TNR: variants seen among roughly 807,000 people sequenced by gnomAD.
TNR encodes the protein tenascin-R.
In TNR, 45 loss-of-function variants were observed where a neutral mutation model predicts 150.4. That is an observed-to-expected ratio of 0.30 (90% CI 0.24 to 0.38). TNR has a LOEUF of 0.38. Among genes scored for constraint, TNR ranks in the 10% least tolerant of loss-of-function variants. The probability of loss-of-function intolerance (pLI) is 1.00; values close to 1 mark genes in which losing one functional copy is unlikely to be tolerated. For missense variants in TNR, 1,544 were observed against 1,759.1 expected (o/e 0.88, Z 2.19); for synonymous variants, 687 against 678.4 (o/e 1.01, Z -0.20).
intron 1 of TNR, among the ~76,000 whole-genome samples, chr1:175,659,232 G>A (rs542259136): frequency 9.5e-4 from 145 of 152,320 alleles, no homozygotes; most frequent in Admixed American, 2.4e-3. Flanking sequence ...GGCTGGAGCC[G>A]CAGCACACCT....
chr1:175,491,582 A>G (rs1658250108), intron 2 of TNR, among the ~76,000 whole-genome samples: 1 of 151,552 alleles, frequency 6.6e-6, no homozygotes, highest in Admixed American at 6.6e-5. Flanking sequence ...GAGTTAGATA[A>G]TGCACTTTCT....
Position 175,368,747 on chromosome 1 carries a change from C to T in TNR, c.1964-1450G>A, listed in dbSNP as rs567566890. 2.2e-4 allele frequency among the ~76,000 whole-genome samples: 33 copies of T among 152,238 alleles called. No individual in the cohort carries two copies. In the East Asian group the frequency reaches 3.7e-3, roughly 17 times the overall value. On this transcript the variant is annotated intron_variant, in intron 9 of 22. Transcript: ENST00000367674. ...GGTGGATCATCTGAGGTCAGGAGTT[C>T]GAGACCAGCCTGACCAATATGGTGA... is the stretch of plus-strand genomic sequence containing the variant.
chr1:175,391,529 G>A, intron 6 of TNR, 91 bp from the exon 7 acceptor site: 1 of 1,401,356 alleles, frequency 7.1e-7, no homozygotes. Flanking sequence ...AATACTAATT[G>A]TGGATTGTGA....
chr1:175,394,001 G>GGGA, intron 5 of TNR, 106 bp from the exon 6 acceptor site: 2 of 867,156 alleles, frequency 2.3e-6, no homozygotes, highest in Non-Finnish European at 1.9e-6. Context: ...TGGGCGTGGT[G>GGGA]GTGTCTGGTG....
intron 1 of TNR, among the ~76,000 whole-genome samples, chr1:175,657,327 G>T (rs1330368756): frequency 6.6e-6 from 1 of 152,228 alleles, no homozygotes; most frequent in Admixed American, 6.5e-5. Flanking sequence ...TGGTGGGACA[G>T]TAAACTAGTT....
At chr1:175,692,123 T>C (rs1462381935) in intron 1 of TNR, among the ~76,000 whole-genome samples, 1 of 152,224 alleles carries the variant, frequency 6.6e-6, no homozygotes, top group African/African-American at 2.4e-5. Context: ...GAGCAAAATG[T>C]ATCCGTGGGT....
intron 1 of TNR, among the ~76,000 whole-genome samples, chr1:175,586,571 G>A (rs1225196302): frequency 2.0e-5 from 3 of 152,128 alleles, no homozygotes; most frequent in Non-Finnish European, 2.9e-5. Context: ...CTCCCAAAGT[G>A]CTGGGACTAC....
chr1:175,422,001 C>T (rs971715943), intron 2 of TNR, among the ~76,000 whole-genome samples: 2 of 152,236 alleles, frequency 1.3e-5, no homozygotes, highest in Non-Finnish European at 2.9e-5. Flanking sequence ...AGTCATATCA[C>T]ATCATTACTA....
At chr1:175,700,366 T>C (rs1412036002) in intron 1 of TNR, among the ~76,000 whole-genome samples, 1 of 152,192 alleles carries the variant, frequency 6.6e-6, no homozygotes, top group East Asian at 1.9e-4. Context: ...TGCCACACTA[T>C]TGTAGCTACG....
intron 2 of TNR, among the ~76,000 whole-genome samples, chr1:175,437,038 C>T (rs1655545829): frequency 6.6e-6 from 1 of 152,224 alleles, no homozygotes; most frequent in Admixed American, 6.5e-5. Context: ...TAATAGACAT[C>T]TACAGAACTC....
At chr1:175,335,407 T>C (rs1650189029) in intron 20 of TNR, 2 of 269,160 alleles carry the variant, frequency 7.4e-6, no homozygotes, top group Non-Finnish European at 6.9e-6. Flanking sequence ...AGCCTGTTGC[T>C]CCCTGTGCCC....
At chr1:175,680,372 G>A (rs998009898) in intron 1 of TNR, among the ~76,000 whole-genome samples, 2 of 152,192 alleles carry the variant, frequency 1.3e-5, no homozygotes, top group African/African-American at 2.4e-5. Context: ...AATAAATGGG[G>A]CCACTAAAGG....
intron 2 of TNR, among the ~76,000 whole-genome samples, chr1:175,417,729 A>T (rs1557920891): frequency 6.6e-6 from 1 of 152,228 alleles, no homozygotes; most frequent in Non-Finnish European, 1.5e-5. Context: ...ATCCACATCC[A>T]GAATACCAGA....
rs1298993313 is a variant in TNR at position 175,373,761 on chromosome 1, A to G, written c.1963+5791T>C. ...CTCCCTGCTGAGGAGTGGAAGCTGCAGCTGAAATATTCCCACCTGGCTTTT... is the reference window on the plus strand; with the variant it reads ...CTCCCTGCTGAGGAGTGGAAGCTGCGGCTGAAATATTCCCACCTGGCTTTT... On this transcript the variant is annotated intron_variant, in intron 9 of 22. Coordinates refer to ENST00000367674, the MANE Select transcript of TNR (RefSeq NM_003285.3). Among the ~76,000 whole-genome samples the G allele has an allele frequency of 2.6e-5, 4 of 152,280 alleles. No individual in the cohort carries two copies. In the East Asian group the frequency reaches 7.7e-4, roughly 29 times the overall value.
chr1:175,469,097 G>A (rs184305905), intron 2 of TNR, among the ~76,000 whole-genome samples: 51 of 152,254 alleles, frequency 3.3e-4, no homozygotes, highest in Non-Finnish European at 5.9e-4. Context: ...AGGAGCATTT[G>A]GTGAGGAAGA....
At chr1:175,547,491 G>A (rs560548557) in intron 1 of TNR, among the ~76,000 whole-genome samples, 1 of 152,162 alleles carries the variant, frequency 6.6e-6, no homozygotes, top group African/African-American at 2.4e-5. Context: ...CAGAGGAAGT[G>A]AGACTGAGCT....
At chr1:175,532,989 G>T (rs1488672785) in intron 1 of TNR, among the ~76,000 whole-genome samples, 1 of 152,190 alleles carries the variant, frequency 6.6e-6, no homozygotes, top group Non-Finnish European at 1.5e-5. Flanking sequence ...GAGGGAAAAA[G>T]CTGCAGAAGG....
At chr1:175,547,609 G>T (rs765381268) in intron 1 of TNR, among the ~76,000 whole-genome samples, 1 of 23,090 alleles carries the variant, frequency 4.3e-5, no homozygotes, top group Non-Finnish European at 1.5e-4. Flanking sequence ...AAGAAAGAAA[G>T]AAACAAAGAA....
Position 175,393,769 on chromosome 1 carries a change from G to GT in TNR, c.1356+10dup. On this transcript the variant is annotated intron_variant, in intron 6 of 22. Coordinates refer to ENST00000367674, the MANE Select transcript of TNR (RefSeq NM_003285.3). The stretch of plus-strand genomic sequence containing the variant: ...ATAAGTCTGTTTGGCAGTGTAACAG[G>GT]TGAGTGTTACCTTTGGAATGAAGCT... 6.3e-7 allele frequency: 1 copy of GT among 1,591,278 alleles called. No homozygotes were observed. The highest frequency in any genetic ancestry group is 8.6e-7 in the Non-Finnish European group (1 of 1,159,108).
Sources: allele counts gnomAD v4.1 joint callset (sites outside exome capture counted in the v4.1 genomes callset), GRCh38; gene constraint gnomAD v4.1.1; transcripts MANE v1.5; gene names NCBI Gene and HGNC (gene_info 2026-07-23, HGNC 2026-07-21).